SLC9A9: variants seen among roughly 807,000 people sequenced by gnomAD.
SLC9A9 encodes the protein solute carrier family 9 member A9.
Under a neutral mutation model 77.8 loss-of-function variants are expected in SLC9A9, and 62 were observed. The ratio of observed to expected loss-of-function variants is 0.80; its 90% CI spans 0.65 to 0.98. The LOEUF is 0.98. Among genes scored for constraint, SLC9A9 ranks in the 50% least tolerant of loss-of-function variants. The pLI, the probability that SLC9A9 is intolerant of heterozygous loss-of-function variation, is 0.00. For synonymous variants in SLC9A9, 320 were observed against 283.5 expected (o/e 1.13, Z -1.29); for missense variants, 775 against 774.9 (o/e 1.00, Z 0.00).
At chr3:143,794,880 A>G (rs2008331324) in intron 4 of SLC9A9, 121 bp downstream of exon 4, 5 of 869,172 alleles carry the variant, frequency 5.8e-6, no homozygotes, top group Non-Finnish European at 9.7e-6. Flanking sequence ...ACATACAAAT[A>G]TGTGATATAC....
At chr3:143,772,223 C>T (rs1042263423) in intron 4 of SLC9A9, among the ~76,000 whole-genome samples, 1 of 152,122 alleles carries the variant, frequency 6.6e-6, no homozygotes, top group South Asian at 2.1e-4. Flanking sequence ...TATATCACCT[C>T]TGTGAATCAG....
chr3:143,266,164 A>T lies in SLC9A9; in HGVS notation c.*538T>A, dbSNP rs773315563. On this transcript the variant is annotated 3_prime_UTR_variant, in exon 16 of 16. Coordinates refer to ENST00000316549, the MANE Select transcript of SLC9A9 (RefSeq NM_173653.4). ...CTCTGGGAAACCATCAGCAGTGGGT[A>T]CGGAACACTTCTCTGGGCTCTGCCC... The T allele has an allele frequency of 8.6e-6, 6 of 700,932 alleles. No individual in the cohort carries two copies. The highest frequency in any genetic ancestry group is 3.0e-5 in the South Asian group (2 of 66,968). The allele number at this position is 700,932 out of a possible 1,614,324, so 43.4% of individuals were successfully genotyped here.
rs1044424277 is a variant in SLC9A9 at position 143,832,140 on chromosome 3, A to C, written c.257T>G (p.Leu86Arg). 1 of 1,613,320 alleles carries C rather than the reference A, an allele frequency of 6.2e-7. No individual in the cohort carries two copies. Among genetic ancestry groups the C allele is most frequent in the Admixed American group, 1.7e-5 (1 of 59,964 alleles). The change falls in exon 2 of 16, where the codon CTA becomes CGA. Residue 86 changes from leucine to arginine, a missense_variant. Leu to Arg is a moderately radical substitution (Grantham distance 102). Coordinates refer to ENST00000316549, the MANE Select transcript of SLC9A9 (RefSeq NM_173653.4). ...ESGTVYDCVKLTFSPSTLLVN... is the reference protein window; with the variant it reads ...ESGTVYDCVKRTFSPSTLLVN... ...CAGCAGAGTTGATGGACTGAAAGTT[A>C]GTTTTACACAGTCATAGACAGTTCC... is the stretch of plus-strand genomic sequence containing the variant.
chr3:143,536,691 G>A (rs938532087), intron 9 of SLC9A9, among the ~76,000 whole-genome samples: 4 of 152,134 alleles, frequency 2.6e-5, no homozygotes, highest in African/African-American at 9.7e-5. Context: ...ACTTATTTGG[G>A]TAATGTCTTA....
chr3:143,791,075 T>A (rs2008203243), intron 4 of SLC9A9, among the ~76,000 whole-genome samples: 1 of 152,172 alleles, frequency 6.6e-6, no homozygotes. Context: ...TTCCCCAAGA[T>A]GGAGGACATG....
At chr3:143,498,231 A>G (rs2035870017) in intron 9 of SLC9A9, among the ~76,000 whole-genome samples, 1 of 152,214 alleles carries the variant, frequency 6.6e-6, no homozygotes, top group African/African-American at 2.4e-5. Context: ...TCTGCTGTCA[A>G]TACTACACTC....
At chr3:143,606,458 A>ATATATATATATATG (rs1268409935) in intron 6 of SLC9A9, among the ~76,000 whole-genome samples, 1 of 144,488 alleles carries the variant, frequency 6.9e-6, no homozygotes, top group Non-Finnish European at 1.5e-5. Flanking sequence ...ATATATATAT[A>ATATATATATATATG]TATGTATATA....
chr3:143,679,931 T>A (rs1467125537), intron 5 of SLC9A9, among the ~76,000 whole-genome samples: 4 of 151,674 alleles, frequency 2.6e-5, no homozygotes, highest in South Asian at 2.1e-4. Flanking sequence ...TTATAACAGA[T>A]GGAATAAATA....
At chr3:143,548,929 A>G (rs1336179806) in intron 9 of SLC9A9, among the ~76,000 whole-genome samples, 3 of 152,218 alleles carry the variant, frequency 2.0e-5, no homozygotes, top group South Asian at 2.1e-4. Context: ...TTTGAATTTT[A>G]TAACTCAAAG....
At chr3:143,508,929 A>G (rs2036070975) in intron 9 of SLC9A9, among the ~76,000 whole-genome samples, 1 of 152,204 alleles carries the variant, frequency 6.6e-6, no homozygotes, top group South Asian at 2.1e-4. Flanking sequence ...CTATATGTAA[A>G]CAGTGATATT....
At chr3:143,754,274 C>A (rs2006848863) in intron 4 of SLC9A9, among the ~76,000 whole-genome samples, 1 of 152,186 alleles carries the variant, frequency 6.6e-6, no homozygotes, top group Admixed American at 6.5e-5. Flanking sequence ...GTAAAAGTCC[C>A]AATATGGTAA....
chr3:143,754,562 T>C (rs2108827308), intron 4 of SLC9A9, among the ~76,000 whole-genome samples: 1 of 152,264 alleles, frequency 6.6e-6, no homozygotes, highest in African/African-American at 2.4e-5. Flanking sequence ...TGTGAGAGCC[T>C]AGGTGGGTCC....
At chr3:143,714,248 C>A (rs1433590999) in intron 4 of SLC9A9, among the ~76,000 whole-genome samples, 3 of 152,102 alleles carry the variant, frequency 2.0e-5, no homozygotes, top group Non-Finnish European at 2.9e-5. Flanking sequence ...GGAGGACCTG[C>A]AGGTACCTCA....
At chr3:143,780,791 T>C (rs1266393678) in intron 4 of SLC9A9, among the ~76,000 whole-genome samples, 1 of 152,208 alleles carries the variant, frequency 6.6e-6, no homozygotes, top group African/African-American at 2.4e-5. Context: ...AGAGAGGGAC[T>C]GAGAATCTTC....
intron 14 of SLC9A9, among the ~76,000 whole-genome samples, chr3:143,288,821 CAGAT>C (rs1393602770): frequency 6.6e-6 from 1 of 152,166 alleles, no homozygotes; most frequent in African/African-American, 2.4e-5. Context: ...TAAAAATGGT[CAGAT>C]AGAAGACTAG....
chr3:143,527,940 C>G (rs983659294), intron 9 of SLC9A9, among the ~76,000 whole-genome samples: 3 of 152,160 alleles, frequency 2.0e-5, no homozygotes, highest in African/African-American at 7.2e-5. Flanking sequence ...TGTCACCAGG[C>G]TAGGCTGGAT....
chr3:143,639,462 CA>C (rs2038584488), intron 6 of SLC9A9, among the ~76,000 whole-genome samples: 1 of 152,142 alleles, frequency 6.6e-6, no homozygotes, highest in African/African-American at 2.4e-5. Flanking sequence ...TATTAAAGGA[CA>C]TTAGAGACAA....
At chr3:143,665,050 T>A (rs570395244) in intron 5 of SLC9A9, among the ~76,000 whole-genome samples, 1 of 152,258 alleles carries the variant, frequency 6.6e-6, no homozygotes, top group South Asian at 2.1e-4. Context: ...CAGCACCACA[T>A]CACACTTATT....
chr3:143,322,269 A>G (rs2108446905), intron 14 of SLC9A9, among the ~76,000 whole-genome samples: 1 of 152,310 alleles, frequency 6.6e-6, no homozygotes, highest in Middle Eastern at 3.4e-3. Flanking sequence ...GATGACCATT[A>G]TAATGTGGGT....
Sources: allele counts gnomAD v4.1 joint callset (sites outside exome capture counted in the v4.1 genomes callset), GRCh38; gene constraint gnomAD v4.1.1; transcripts MANE v1.5; gene names NCBI Gene and HGNC (gene_info 2026-07-23, HGNC 2026-07-21).